The following ERBB4 variants were observed in gnomAD, a reference collection of about 807,000 sequenced individuals.
ERBB4 encodes receptor tyrosine-protein kinase erbB-4.
Under a neutral mutation model 158.0 loss-of-function variants are expected in ERBB4, and 42 were observed. The ratio of observed to expected loss-of-function variants is 0.27; its 90% CI spans 0.21 to 0.34. The LOEUF (loss-of-function observed/expected upper bound fraction) is 0.34, where lower values mean the gene tolerates loss of function less well. Ranked by LOEUF, ERBB4 falls within the 10% of genes least tolerant of loss-of-function variation. The pLI, the probability that ERBB4 is intolerant of heterozygous loss-of-function variation, is 1.00. For synonymous variants in ERBB4, 583 were observed against 558.7 expected (o/e 1.04, Z -0.61); for missense variants, 1,333 against 1,624.1 (o/e 0.82, Z 3.08).
At chr2:211,905,474 T>G (rs1441892067) in intron 3 of ERBB4, among the ~76,000 whole-genome samples, 1 of 151,754 alleles carries the variant, frequency 6.6e-6, no homozygotes, top group Non-Finnish European at 1.5e-5. Context: ...GGGATTAGGA[T>G]GTGGGTATCT....
chr2:212,108,413 A>G (rs2079295212), intron 2 of ERBB4, among the ~76,000 whole-genome samples: 1 of 152,230 alleles, frequency 6.6e-6, no homozygotes, highest in Non-Finnish European at 1.5e-5. Flanking sequence ...TTAGCATCTT[A>G]GCATTTTAAT....
rs183217720 is a variant in ERBB4 at position 211,517,843 on chromosome 2, T to G, written c.2487+44060A>C. ...AAAATAGAGGAGGTAGATTTTATTT[T>G]TGATGTCTCCTATGTTGATAATTGC... On this transcript the variant is annotated intron_variant, in intron 20 of 27. Coordinates refer to ENST00000342788, the MANE Select transcript of ERBB4 (RefSeq NM_005235.3). 3.3e-5 allele frequency among the ~76,000 whole-genome samples: 5 copies of G among 152,270 alleles called. 1 individual carries two copies. In the East Asian group the frequency reaches 7.7e-4, roughly 24 times the overall value.
intron 1 of ERBB4, among the ~76,000 whole-genome samples, chr2:212,299,290 T>C (rs1319188031): frequency 6.6e-6 from 1 of 151,694 alleles, no homozygotes; most frequent in African/African-American, 2.4e-5. Context: ...TTGGAATCAT[T>C]ATGGTTCATT....
At chr2:211,484,143 T>C (rs1480811713) in intron 20 of ERBB4, among the ~76,000 whole-genome samples, 1 of 151,744 alleles carries the variant, frequency 6.6e-6, no homozygotes, top group Non-Finnish European at 1.5e-5. Context: ...AAAGACACCA[T>C]TAAAATAAAG....
chr2:211,744,238 G>C (rs1339196410), intron 5 of ERBB4, among the ~76,000 whole-genome samples: 1 of 152,082 alleles, frequency 6.6e-6, no homozygotes, highest in East Asian at 1.9e-4. Flanking sequence ...GTGCAATCAA[G>C]CTAACTGTGG....
At chr2:211,920,170 G>T (rs2079819132) in intron 3 of ERBB4, among the ~76,000 whole-genome samples, 1 of 151,882 alleles carries the variant, frequency 6.6e-6, no homozygotes. Flanking sequence ...CACCTTACAG[G>T]CAAGTAATCA....
At position 212,056,211 on chromosome 2, in the gene ERBB4, G is replaced by A. The variant is rs188600929; in HGVS notation, c.234+68541C>T. Among the ~76,000 whole-genome samples, 811 of 152,294 alleles carry A rather than the reference G, an allele frequency of 5.3e-3. 4 individuals are homozygous for A. Among genetic ancestry groups the A allele is most frequent in the African/African-American group, 6.7e-3 (280 of 41,550 alleles). On this transcript the variant is annotated intron_variant, in intron 2 of 27. Transcript: ENST00000342788. ...AGATCAAATTAATGAAATGAAGTGAGAAGAGAAGTTTAGAGAAAAAAGAGT... is the reference window on the plus strand; with the variant it reads ...AGATCAAATTAATGAAATGAAGTGAAAAGAGAAGTTTAGAGAAAAAAGAGT...
intron 1 of ERBB4, among the ~76,000 whole-genome samples, chr2:212,233,511 G>A (rs1351781164): frequency 2.0e-5 from 3 of 152,162 alleles, no homozygotes; most frequent in East Asian, 3.9e-4. Context: ...AATATAACCA[G>A]TAAGTTGATA....
At chr2:211,518,336 T>G (rs2066091878) in intron 20 of ERBB4, among the ~76,000 whole-genome samples, 2 of 152,080 alleles carry the variant, frequency 1.3e-5, no homozygotes, top group African/African-American at 2.4e-5. Context: ...TCATTAAGTT[T>G]GTCATTGAAT....
At chr2:211,632,216 AATT>A (rs1049842176) in intron 16 of ERBB4, among the ~76,000 whole-genome samples, 1 of 152,098 alleles carries the variant, frequency 6.6e-6, no homozygotes, top group African/African-American at 2.4e-5. Flanking sequence ...CTGCTGAGAA[AATT>A]AAACTATAGT....
At chr2:211,774,520 TA>T (rs1460670753) in intron 4 of ERBB4, among the ~76,000 whole-genome samples, 1 of 152,166 alleles carries the variant, frequency 6.6e-6, no homozygotes, top group Non-Finnish European at 1.5e-5. Context: ...TTTCACTGGT[TA>T]AAAGTAAAGC....
intron 1 of ERBB4, among the ~76,000 whole-genome samples, chr2:212,126,972 T>C (rs1440800612): frequency 6.6e-6 from 1 of 152,136 alleles, no homozygotes; most frequent in Non-Finnish European, 1.5e-5. Context: ...GGAAATTCAT[T>C]ATAAAAACAA....
At chr2:212,416,713 G>C (rs979501206) in intron 1 of ERBB4, among the ~76,000 whole-genome samples, 2 of 151,902 alleles carry the variant, frequency 1.3e-5, no homozygotes, top group African/African-American at 4.8e-5. Flanking sequence ...ATGTAGTCTG[G>C]GGTCACTTCA....
intron 1 of ERBB4, among the ~76,000 whole-genome samples, chr2:212,153,642 A>T (rs2080942046): frequency 6.6e-6 from 1 of 152,150 alleles, no homozygotes; most frequent in Non-Finnish European, 1.5e-5. Context: ...GTTTTTTGTC[A>T]TTGAAAGTGA....
intron 1 of ERBB4, among the ~76,000 whole-genome samples, chr2:212,367,613 T>G (rs1003052871): frequency 3.3e-5 from 5 of 152,088 alleles, no homozygotes; most frequent in African/African-American, 4.8e-5. Flanking sequence ...AAAGAGCTTT[T>G]GTACAGCAAA....
intron 1 of ERBB4, among the ~76,000 whole-genome samples, chr2:212,300,661 C>G (rs1180607608): frequency 6.6e-6 from 1 of 151,310 alleles, no homozygotes; most frequent in Non-Finnish European, 1.5e-5. Context: ...AACAAGGGGC[C>G]AGAGTTAAAT....
chr2:211,548,106 T>C lies in ERBB4; in HGVS notation c.2487+13797A>G, dbSNP rs1354981228. On this transcript the variant is annotated intron_variant, in intron 20 of 27. Coordinates refer to ENST00000342788, the MANE Select transcript of ERBB4 (RefSeq NM_005235.3). ...TATAAACCGCCTCAATAAACTTCAT[T>C]TTCATCTGGTAGTATAGAGATTCTC... is the stretch of plus-strand genomic sequence containing the variant. 2.6e-5 allele frequency among the ~76,000 whole-genome samples: 4 copies of C among 152,096 alleles called. 1 individual carries two copies. The highest frequency in any genetic ancestry group is 9.7e-5 in the African/African-American group (4 of 41,434).
chr2:211,465,790 T>TA (rs923031387), intron 20 of ERBB4, among the ~76,000 whole-genome samples: 40 of 152,130 alleles, frequency 2.6e-4, no homozygotes, highest in Non-Finnish European at 5.3e-4. Context: ...TTCTGTAACT[T>TA]ACAGTAGTTA....
chr2:211,584,914 T>TTC (rs2068217801), intron 19 of ERBB4, among the ~76,000 whole-genome samples: 1 of 152,108 alleles, frequency 6.6e-6, no homozygotes, highest in African/African-American at 2.4e-5. Flanking sequence ...AAACATGTTT[T>TTC]ATTTATTTGT....
Sources: gnomAD v4.1 joint callset for allele counts (sites outside exome capture counted in the v4.1 genomes callset) on GRCh38, gnomAD v4.1.1 for gene constraint, MANE v1.5 for transcripts, NCBI Gene and HGNC (gene_info 2026-07-23, HGNC 2026-07-21) for gene names.